The following MBP variants were observed in gnomAD, a reference collection of about 807,000 sequenced individuals.
MBP encodes the protein myelin basic protein.
MBP carries 16 observed loss-of-function variants against 35.8 expected under a neutral mutation model. The ratio of observed to expected loss-of-function variants is 0.45; its 90% confidence interval spans 0.30 to 0.68. The LOEUF (loss-of-function observed/expected upper bound fraction) is 0.68, where lower values mean the gene tolerates loss of function less well. MBP is among the 30% of genes least tolerant of loss of function. The pLI, the probability that MBP is intolerant of heterozygous loss-of-function variation, is 0.08. For synonymous variants in MBP, 143 were observed against 159.6 expected, an observed-to-expected ratio of 0.90 and a Z score of 0.78; for missense variants, 380 against 404.7, an observed-to-expected ratio of 0.94 and a Z score of 0.52.
intron 3 of MBP, among the ~76,000 whole-genome samples, chr18:77,032,482 A>G (rs1972579488): frequency 6.6e-6 from 1 of 152,038 alleles, no homozygotes; most frequent in Non-Finnish European, 1.5e-5. Flanking sequence ...CTCCCACGGC[A>G]GGGAAGAGGC....
At chr18:77,098,912 C>T (rs894651145) in intron 2 of MBP, among the ~76,000 whole-genome samples, 26 of 151,982 alleles carry the variant, frequency 1.7e-4, no homozygotes, top group African/African-American at 5.8e-4. Context: ...GACCCACTAC[C>T]CCCTCCCCTC....
At chr18:77,032,828 G>C (rs968764000) in intron 3 of MBP, among the ~76,000 whole-genome samples, 1 of 152,128 alleles carries the variant, frequency 6.6e-6, no homozygotes, top group Admixed American at 6.5e-5. Context: ...CTTCTCAGGG[G>C]GAGCAAAGAA....
chr18:77,000,119 G>T (rs1970551185), intron 4 of MBP, among the ~76,000 whole-genome samples: 1 of 151,880 alleles, frequency 6.6e-6, no homozygotes, highest in Non-Finnish European at 1.5e-5. Context: ...GACAGCTGAA[G>T]AATTAAAAAA....
At chr18:77,090,108 ACC>A (rs1975441383) in intron 2 of MBP, among the ~76,000 whole-genome samples, 1 of 152,032 alleles carries the variant, frequency 6.6e-6, no homozygotes, top group Admixed American at 6.6e-5. Flanking sequence ...ACACATGGAG[ACC>A]CACCTGTCAG....
At chr18:77,094,408 C>T (rs1243870053) in intron 2 of MBP, among the ~76,000 whole-genome samples, 5 of 152,204 alleles carry the variant, frequency 3.3e-5, no homozygotes, top group Non-Finnish European at 5.9e-5. Context: ...CAGAGGCAGT[C>T]CACACAAGGT....
chr18:77,026,421 G>A (rs567549859), intron 3 of MBP, among the ~76,000 whole-genome samples: 26 of 152,262 alleles, frequency 1.7e-4, no homozygotes, highest in Non-Finnish European at 3.5e-4. Flanking sequence ...AAAACATAAC[G>A]CAGAAATCAC....
chr18:76,998,388 G>A (rs1970443798), intron 4 of MBP, among the ~76,000 whole-genome samples: 1 of 152,156 alleles, frequency 6.6e-6, no homozygotes, highest in Non-Finnish European at 1.5e-5. Context: ...CCGTATGCGC[G>A]GATTGCTTTC....
chr18:77,089,735 C>T (rs550952387), intron 2 of MBP, among the ~76,000 whole-genome samples: 5 of 152,318 alleles, frequency 3.3e-5, no homozygotes, highest in East Asian at 1.9e-4. Context: ...GTGACTTTTA[C>T]GAATATTTTC....
Position 76,980,075 on chromosome 18 carries a change from G to T in MBP, c.*352C>A, listed in dbSNP as rs762948210. ...TGACCAGCAAAAGCGCAAGGGTGCC[G>T]CAGCCACGGCGAAAAGAAAGTCCAA... On this transcript the variant is annotated 3_prime_UTR_variant, in exon 9 of 9. Coordinates refer to ENST00000355994, the MANE Select transcript of MBP (RefSeq NM_001025101.2). The T allele has an allele frequency of 1.0e-5, 7 of 698,374 alleles. No homozygotes were observed. The highest frequency in any genetic ancestry group is 2.0e-5 in the Admixed American group (1 of 48,960). 43.3% of individuals were successfully genotyped at this position (698,374 alleles called of 1,614,324 possible).
At chr18:77,105,157 T>C in intron 2 of MBP, 54 bp downstream of exon 2, 1 of 1,574,284 alleles carries the variant, frequency 6.4e-7, no homozygotes, top group Non-Finnish European at 8.7e-7. Flanking sequence ...CCAAGGGGAT[T>C]TGTGTTTAAT....
rs1491185619 is a variant in MBP at position 77,100,552 on chromosome 18, G to GTT, written c.51+4658_51+4659insAA. Among the ~76,000 whole-genome samples the GTT allele has an allele frequency of 1.7e-4, 21 of 123,450 alleles. No individual in the cohort carries two copies. In the East Asian group the frequency reaches 4.0e-3, roughly 24 times the overall value. 81.0% of individuals were successfully genotyped at this position (123,450 alleles called of 152,430 possible). ...GTGTGTGTGTGTGTGTGTGTTTTGT[G>GTT]GTTTTTTCTTTTTTTTGAGACAGGG... is the stretch of plus-strand genomic sequence containing the variant. On this transcript the variant is annotated intron_variant, in intron 2 of 8. Transcript: ENST00000355994.
rs546712055 is a variant in MBP, at chr18:77,046,625, C to T, written c.139+19673G>A. On this transcript the variant is annotated intron_variant, in intron 3 of 8. Transcript: ENST00000355994. ...AGGGGCAAGGCCAGGGCCGGGCCGA[C>T]CCTTTCAGATGTGCCTGGGGAGGCT... is the stretch of plus-strand genomic sequence containing the variant. Among the ~76,000 whole-genome samples, 10 of 152,376 alleles carry T rather than the reference C, an allele frequency of 6.6e-5. No individual in the cohort carries two copies. In the South Asian group the frequency reaches 2.1e-3, roughly 32 times the overall value.
intron 4 of MBP, chr18:77,004,271 T>C (rs1313198613): frequency 1.5e-5 from 2 of 137,826 alleles, no homozygotes; most frequent in Non-Finnish European, 3.3e-5. Flanking sequence ...CATATATATA[T>C]ATGTGTCCCC....
intron 1 of MBP, among the ~76,000 whole-genome samples, chr18:77,122,178 T>C (rs964153986): frequency 6.6e-6 from 1 of 152,174 alleles, no homozygotes. Flanking sequence ...TGCACTATGG[T>C]AGACATCAGT....
chr18:77,128,995 ATC>A (rs1376563877), intron 1 of MBP, among the ~76,000 whole-genome samples: 1 of 152,206 alleles, frequency 6.6e-6, no homozygotes, highest in Admixed American at 6.5e-5. Context: ...GTAAAAAAAA[ATC>A]TTTTTGCCAT....
At chr18:77,082,006 A>C (rs936637578) in intron 2 of MBP, among the ~76,000 whole-genome samples, 33 of 149,968 alleles carry the variant, frequency 2.2e-4, no homozygotes, top group East Asian at 1.2e-3. Context: ...TGCCCGCCAC[A>C]ACGCCTGGCT....
intron 2 of MBP, among the ~76,000 whole-genome samples, chr18:77,075,882 C>T (rs967973014): frequency 2.0e-5 from 3 of 152,112 alleles, no homozygotes; most frequent in Non-Finnish European, 4.4e-5. Flanking sequence ...GTGGGGTGAA[C>T]ATTACTATTA....
intron 3 of MBP, among the ~76,000 whole-genome samples, chr18:77,046,777 G>A (rs997711042): frequency 5.9e-5 from 9 of 152,344 alleles, no homozygotes; most frequent in Non-Finnish European, 1.0e-4. Context: ...CCAGATCAGC[G>A]GGAGAGGGCT....
intron 1 of MBP, chr18:77,113,406 A>T (rs1333615472): frequency 6.6e-6 from 1 of 152,316 alleles, no homozygotes; most frequent in South Asian, 2.1e-4. Flanking sequence ...CCTCCTGCAG[A>T]GCTCCCACTC....
Sources: allele counts gnomAD v4.1 joint callset (sites outside exome capture counted in the v4.1 genomes callset), GRCh38; gene constraint gnomAD v4.1.1; transcripts MANE v1.5; gene names NCBI Gene and HGNC (gene_info 2026-07-23, HGNC 2026-07-21).